The following DYNLT2 variants were observed in gnomAD, a reference collection of about 807,000 sequenced individuals.
DYNLT2 encodes dynein light chain Tctex-type 2.
Under a neutral mutation model 24.3 loss-of-function variants are expected in DYNLT2, and 24 were observed. The ratio of observed to expected loss-of-function variants is 0.99; its 90% CI spans 0.71 to 1.39. The LOEUF (loss-of-function observed/expected upper bound fraction) is 1.39, where lower values mean the gene tolerates loss of function less well. Ranked by LOEUF, DYNLT2 falls within the 40% of genes most tolerant of loss-of-function variation. The pLI is 0.00. For synonymous variants in DYNLT2, 85 were observed against 85.4 expected (o/e 1.00, Z 0.03); for missense variants, 246 against 234.5 (o/e 1.05, Z -0.32).
At chr6:169,740,510 C>G (rs1334429693) in intron 3 of DYNLT2, among the ~76,000 whole-genome samples, 1 of 152,146 alleles carries the variant, frequency 6.6e-6, no homozygotes, top group East Asian at 1.9e-4. Context: ...TTTCTCTAAA[C>G]AGAGAGAGGC....
the DYNLT2 span, chr6:169,725,601 ATTCTT>A: frequency 3.0e-6 from 1 of 328,480 alleles, no homozygotes; most frequent in Non-Finnish European, 5.5e-6. Flanking sequence ...TTTCAGCTAA[ATTCTT>A]TTCACTGATC....
chr6:169,727,552 GTTTGTTTT>G, the DYNLT2 span, among the ~76,000 whole-genome samples: 23 of 147,238 alleles, frequency 1.6e-4, no homozygotes, highest in Middle Eastern at 3.4e-3. Context: ...AAACTTGAAG[GTTTGTTTT>G]TTTGTTTTTT....
At chr6:169,729,506 C>G in the DYNLT2 span, among the ~76,000 whole-genome samples, 2 of 152,134 alleles carry the variant, frequency 1.3e-5, no homozygotes, top group South Asian at 4.1e-4. Context: ...ACATGCTTTG[C>G]TGCTTGTAAA....
intron 1 of DYNLT2, among the ~76,000 whole-genome samples, chr6:169,748,519 G>A (rs1171448445): frequency 6.6e-6 from 1 of 152,170 alleles, no homozygotes; most frequent in African/African-American, 2.4e-5. Context: ...TATTGGCTGC[G>A]AGTAGAAGTC....
At chr6:169,727,176 G>A in the DYNLT2 span, among the ~76,000 whole-genome samples, 2 of 152,132 alleles carry the variant, frequency 1.3e-5, no homozygotes, top group African/African-American at 2.4e-5. Flanking sequence ...GCAAAGTGGT[G>A]GTTTCAGAAA....
At chr6:169,734,952 G>T in the DYNLT2 span, among the ~76,000 whole-genome samples, 1 of 152,058 alleles carries the variant, frequency 6.6e-6, no homozygotes, top group Non-Finnish European at 1.5e-5. Flanking sequence ...ATTAATTACT[G>T]CCTCAGTTTC....
intron 1 of DYNLT2, among the ~76,000 whole-genome samples, chr6:169,747,998 T>C (rs530982653): frequency 2.6e-5 from 4 of 152,342 alleles, no homozygotes; most frequent in African/African-American, 4.8e-5. Flanking sequence ...TTGTTCTCTA[T>C]TTTTTCCCAC....
chr6:169,744,977 T>C (rs1789762427), intron 1 of DYNLT2, among the ~76,000 whole-genome samples: 1 of 152,240 alleles, frequency 6.6e-6, no homozygotes, highest in Non-Finnish European at 1.5e-5. Flanking sequence ...TGGCTAGAAC[T>C]TCCAGCTCTA....
intron 1 of DYNLT2, among the ~76,000 whole-genome samples, chr6:169,746,232 G>A (rs148808578): frequency 1.1e-4 from 16 of 152,090 alleles, no homozygotes; most frequent in Admixed American, 3.3e-4. Context: ...GTTGGTACCT[G>A]ATTTCAATTT....
chr6:169,738,003 G>A (rs577570723), downstream of DYNLT2, among the ~76,000 whole-genome samples: 515 of 149,916 alleles, frequency 3.4e-3, 3 homozygotes, highest in South Asian at 0.032. Context: ...CTGAGCCTCT[G>A]GCTGGAGTTA....
At chr6:169,726,188 A>T in the DYNLT2 span, among the ~76,000 whole-genome samples, 2 of 152,274 alleles carry the variant, frequency 1.3e-5, no homozygotes, top group Admixed American at 6.5e-5. Context: ...AAGGCAAAGA[A>T]GAATATTAAG....
Position 169,751,476 on chromosome 6 carries a change from G to A in DYNLT2, c.-18C>T, listed in dbSNP as rs1054807674. ...TTCTCCATCTCGCTCTGTTCTCCAA[G>A]ACGCCCACCGCCTCCCCTTCACCGC... is the stretch of plus-strand genomic sequence containing the variant. On this transcript the variant is annotated 5_prime_UTR_variant, in exon 1 of 4. Coordinates refer to ENST00000366774, the MANE Select transcript of DYNLT2 (RefSeq NM_174910.3). 6.2e-7 allele frequency: 1 copy of A among 1,612,732 alleles called. No homozygotes were observed. Among genetic ancestry groups the A allele is most frequent in the Admixed American group, 1.7e-5 (1 of 59,956 alleles).
At chr6:169,742,185 G>A (rs113528255) in intron 3 of DYNLT2, among the ~76,000 whole-genome samples, 141 of 152,206 alleles carry the variant, frequency 9.3e-4, no homozygotes, top group African/African-American at 3.3e-3. Context: ...CTCTGTGCTG[G>A]TGATTATGTT....
At chr6:169,737,226 G>A (rs1789580120), downstream of DYNLT2, among the ~76,000 whole-genome samples, 1 of 152,104 alleles carries the variant, frequency 6.6e-6, no homozygotes, top group African/African-American at 2.4e-5. Flanking sequence ...AACTTTTTAT[G>A]AAGGTTCTTA....
the DYNLT2 span, among the ~76,000 whole-genome samples, chr6:169,730,962 G>A: frequency 6.6e-6 from 1 of 152,148 alleles, no homozygotes; most frequent in African/African-American, 2.4e-5. Context: ...GGGGTCAGGT[G>A]ATACTACCCT....
chr6:169,742,576 T>C (rs1002581766), intron 3 of DYNLT2, among the ~76,000 whole-genome samples: 5 of 152,180 alleles, frequency 3.3e-5, no homozygotes, highest in Admixed American at 2.6e-4. Flanking sequence ...ATTTAATAAA[T>C]TAGTAGTACC....
intron 3 of DYNLT2, among the ~76,000 whole-genome samples, 200 bp downstream of exon 3, chr6:169,742,880 T>A (rs1789709826): frequency 6.6e-6 from 1 of 152,236 alleles, no homozygotes. Flanking sequence ...ATTACAGGCA[T>A]GAGCCAACGA....
intron 3 of DYNLT2, 49 bp downstream of exon 3, chr6:169,743,031 G>C: frequency 1.5e-6 from 2 of 1,377,486 alleles, no homozygotes; most frequent in East Asian, 2.6e-5. Flanking sequence ...CTAGGGAGGA[G>C]ATGCCTTATA....
downstream of DYNLT2, chr6:169,740,021 A>T: frequency 1.8e-6 from 1 of 566,494 alleles, no homozygotes; most frequent in Non-Finnish European, 3.1e-6. Context: ...AAGTATAAAT[A>T]TAAAAATCTG....
Sources: allele counts gnomAD v4.1 joint callset (sites outside exome capture counted in the v4.1 genomes callset), GRCh38; gene constraint gnomAD v4.1.1; transcripts MANE v1.5; gene names NCBI Gene and HGNC (gene_info 2026-07-23, HGNC 2026-07-21).